The following RARB variants were observed in gnomAD, a reference collection of about 807,000 sequenced individuals.
RARB encodes retinoic acid receptor beta, also known as HBV-activated protein.
RARB carries 17 observed loss-of-function variants against 51.9 expected under a neutral mutation model. The observed-to-expected ratio is 0.33, with a 90% CI of 0.22 to 0.49. The LOEUF (loss-of-function observed/expected upper bound fraction) is 0.49, where lower values mean the gene tolerates loss of function less well. Among genes scored for constraint, RARB ranks in the 20% least tolerant of loss-of-function variants. The probability of loss-of-function intolerance (pLI) is 0.99; values close to 1 mark genes in which losing one functional copy is unlikely to be tolerated. For synonymous variants in RARB, 215 were observed against 195.4 expected (o/e 1.10, Z -0.84); for missense variants, 369 against 550.8 (o/e 0.67, Z 3.30).
chr3:25,273,577 G>T (rs150476938), intron 5 of RARB, among the ~76,000 whole-genome samples: 1 of 152,198 alleles, frequency 6.6e-6, no homozygotes, highest in African/African-American at 2.4e-5. Context: ...TGATAGGATA[G>T]CACCTTTCAA....
rs756455118 is a variant in RARB, at chr3:25,593,526, T to C, written c.810T>C (p.Tyr270=). ...DILILRICTR[Y]TPEQDTMTFS... is the part of the protein sequence containing the mutation. ...AGATTCTTAGAATTTGCACCAGGTA[T>C]ACCCCAGAACAAGACACCATGACTT... The change falls in exon 6 of 8, where the codon TAT becomes TAC. Residue 270 remains tyrosine, a synonymous_variant. Coordinates refer to ENST00000330688, the MANE Select transcript of RARB (RefSeq NM_000965.5). The C allele has an allele frequency of 5.5e-5, 89 of 1,613,826 alleles. No individual in the cohort carries two copies. The highest frequency in any genetic ancestry group is 4.1e-5 in the Non-Finnish European group (48 of 1,179,884).
At chr3:25,045,706 A>G (rs959830242) in intron 2 of RARB, among the ~76,000 whole-genome samples, 16 of 152,340 alleles carry the variant, frequency 1.1e-4, no homozygotes, top group African/African-American at 3.6e-4. Context: ...TACAAAATTC[A>G]TTGTTAAGGA....
chr3:25,552,702 T>C lies in RARB; in HGVS notation c.449-17056T>C, dbSNP rs180937486. 2.6e-4 allele frequency among the ~76,000 whole-genome samples: 39 copies of C among 151,904 alleles called. No homozygotes were observed. In the Middle Eastern group the frequency reaches 0.01, roughly 40 times the overall value. The stretch of plus-strand genomic sequence containing the variant: ...GAGATAATACTGCACCCGTCTAAAA[T>C]GAACCAAGGGTATGATAAAGGTAAT... On this transcript the variant is annotated intron_variant, in intron 3 of 7. Coordinates refer to ENST00000330688, the MANE Select transcript of RARB (RefSeq NM_000965.5).
chr3:25,149,206 T>C (rs6788090), intron 4 of RARB, among the ~76,000 whole-genome samples: 4,476 of 152,220 alleles, frequency 0.029, 193 homozygotes, highest in African/African-American at 0.096. Context: ...AAAAAATATA[T>C]AGTGGCATTA....
chr3:24,992,740 A>C (rs1161812590), intron 2 of RARB, among the ~76,000 whole-genome samples: 1 of 152,020 alleles, frequency 6.6e-6, no homozygotes, highest in Non-Finnish European at 1.5e-5. Context: ...TCCTCTTTTT[A>C]TATGGACACC....
intron 5 of RARB, among the ~76,000 whole-genome samples, chr3:25,416,869 T>C (rs145635173): frequency 1.3e-3 from 195 of 152,306 alleles, no homozygotes; most frequent in African/African-American, 4.3e-3. Context: ...TGGGTCACAA[T>C]AGCCTCCTCT....
rs564600656 is a variant in RARB, at chr3:25,332,076, A to G, written c.179-129117A>G. On this transcript the variant is annotated intron_variant, in intron 5 of 11. Coordinates refer to the RARB transcript ENST00000383772. ...AAAGTTCAGGACCAGACGGATTCAC[A>G]GCCAAATTCTACCAGAGGTACAAAG... Among the ~76,000 whole-genome samples, 40 of 152,356 alleles carry G rather than the reference A, an allele frequency of 2.6e-4. 2 individuals are homozygous for G. Among genetic ancestry groups the G allele is most frequent in the African/African-American group, 9.6e-4 (40 of 41,584 alleles).
chr3:25,481,525 G>C (rs1249172823), intron 2 of RARB, among the ~76,000 whole-genome samples: 5 of 152,186 alleles, frequency 3.3e-5, no homozygotes, highest in African/African-American at 1.2e-4. Flanking sequence ...TAAACTGTTA[G>C]AATTAACAGA....
At chr3:25,582,309 A>G (rs1294448653) in intron 5 of RARB, among the ~76,000 whole-genome samples, 1 of 152,206 alleles carries the variant, frequency 6.6e-6, no homozygotes, top group Non-Finnish European at 1.5e-5. Flanking sequence ...AGATATTAGC[A>G]GAGACTGGAG....
chr3:25,569,261 G>T (rs1237150819), intron 3 of RARB, among the ~76,000 whole-genome samples: 1 of 152,224 alleles, frequency 6.6e-6, no homozygotes. Context: ...TCTCCTCTCA[G>T]ATGAGTTTCT....
At chr3:24,883,941 T>G (rs1159322740) in intron 2 of RARB, among the ~76,000 whole-genome samples, 1 of 152,196 alleles carries the variant, frequency 6.6e-6, no homozygotes, top group Non-Finnish European at 1.5e-5. Context: ...TTCATTATTC[T>G]TACCAGCAAA....
At chr3:25,481,939 A>G (rs1346692297) in intron 2 of RARB, among the ~76,000 whole-genome samples, 1 of 152,230 alleles carries the variant, frequency 6.6e-6, no homozygotes, top group Non-Finnish European at 1.5e-5. Context: ...AAATAGTACT[A>G]TCCCCATTTA....
chr3:24,989,191 G>T (rs1361502624), intron 2 of RARB, among the ~76,000 whole-genome samples: 1 of 152,130 alleles, frequency 6.6e-6, no homozygotes, highest in Non-Finnish European at 1.5e-5. Context: ...TATATACGTG[G>T]TACTACCATG....
intron 5 of RARB, among the ~76,000 whole-genome samples, chr3:25,413,946 G>A (rs965979979): frequency 1.3e-5 from 2 of 152,160 alleles, no homozygotes; most frequent in Non-Finnish European, 2.9e-5. Context: ...TGTAAAATGT[G>A]TAAGTTTTGA....
intron 2 of RARB, among the ~76,000 whole-genome samples, chr3:25,463,870 T>A (rs1462935132): frequency 6.6e-6 from 1 of 152,176 alleles, no homozygotes; most frequent in Non-Finnish European, 1.5e-5. Context: ...AATTCTCTTT[T>A]CTCCAGTAGA....
At chr3:25,504,608 T>C (rs1468344806) in intron 3 of RARB, among the ~76,000 whole-genome samples, 1 of 152,106 alleles carries the variant, frequency 6.6e-6, no homozygotes, top group African/African-American at 2.4e-5. Flanking sequence ...AATGACCTCA[T>C]GTCCACCATG....
chr3:25,309,787 G>T (rs1229408024), intron 5 of RARB, among the ~76,000 whole-genome samples: 1 of 152,078 alleles, frequency 6.6e-6, no homozygotes, highest in Middle Eastern at 3.2e-3. Flanking sequence ...GAGCCACCGT[G>T]CCCAGCCTCA....
intron 3 of RARB, among the ~76,000 whole-genome samples, chr3:25,105,158 A>G (rs1699475367): frequency 6.6e-6 from 1 of 152,144 alleles, no homozygotes; most frequent in South Asian, 2.1e-4. Context: ...TTTTAGTGTC[A>G]GACAGTTTTT....
intron 2 of RARB, among the ~76,000 whole-genome samples, chr3:25,492,508 G>T (rs1207813311): frequency 6.6e-6 from 1 of 152,176 alleles, no homozygotes; most frequent in Non-Finnish European, 1.5e-5. Context: ...TCTGAGTTAA[G>T]AACATGGGCC....
Sources: allele counts gnomAD v4.1 joint callset (sites outside exome capture counted in the v4.1 genomes callset), GRCh38; gene constraint gnomAD v4.1.1; transcripts MANE v1.5; gene names NCBI Gene and HGNC (gene_info 2026-07-23, HGNC 2026-07-21).